TMEM42: variants seen among roughly 807,000 people sequenced by gnomAD.
TMEM42 encodes transmembrane protein 42.
TMEM42 carries 8 observed loss-of-function variants against 14.0 expected under a neutral mutation model. The observed-to-expected ratio is 0.57, with a 90% confidence interval of 0.34 to 1.03. The LOEUF is 1.03. TMEM42 is among the 50% of genes least tolerant of loss of function. The pLI, the probability that TMEM42 is intolerant of heterozygous loss-of-function variation, is 0.03. For missense variants in TMEM42, 211 were observed against 219.8 expected (o/e 0.96, Z 0.25); for synonymous variants, 115 against 94.3 (o/e 1.22, Z -1.27).
chr3:44,862,001 C>T lies in TMEM42; in HGVS notation c.77C>T (p.Pro26Leu). 3 of 1,387,048 alleles carry T rather than the reference C, an allele frequency of 2.2e-6. No homozygotes were observed. The South Asian group carries it at 5.0e-5, about 23-fold the overall frequency. 85.9% of individuals were successfully genotyped at this position (1,387,048 alleles called of 1,614,324 possible). A position where few individuals can be genotyped will look rare whatever the true frequency, so the allele number is the denominator to read the frequency against. The part of the protein sequence containing the change: ...AYPDTPAEFP[P>L]HLQAGAMRRR... ...CCTGACACCCCCGCGGAATTCCCTC[C>T]GCACCTCCAGGCGGGTGCGATGCGG... Residue 26 changes from proline to leucine, a missense_variant, in exon 1 of 3, where the codon CCG (proline) becomes CTG (leucine). Pro to Leu is a moderately conservative substitution (Grantham distance 98, BLOSUM62 -3). Coordinates refer to ENST00000302392, the MANE Select transcript of TMEM42 (RefSeq NM_144638.3).
At position 44,861,913 on chromosome 3, in the gene TMEM42, T is replaced by A; in HGVS notation, c.-12T>A. 6.8e-7 allele frequency: 1 copy of A among 1,477,028 alleles called. No individual in the cohort carries two copies. The highest frequency in any genetic ancestry group is 1.3e-5 in the South Asian group (1 of 78,426). The allele number at this position is 1,477,028 out of a possible 1,614,324, so 91.5% of individuals were successfully genotyped here. A position where few individuals can be genotyped will look rare whatever the true frequency, so the allele number is the denominator to read the frequency against. The stretch of plus-strand genomic sequence containing the variant: ...CGGGCAGCGGGTGCCAGGCACGGTG[T>A]CAGCAGGCAACATGGCCGAGAGGCC... On this transcript the variant is annotated 5_prime_UTR_variant, in exon 1 of 3. Coordinates refer to ENST00000302392, the MANE Select transcript of TMEM42 (RefSeq NM_144638.3).
chr3:44,863,119 C>T (rs1446068783), intron 1 of TMEM42: 1 of 151,782 alleles, frequency 6.6e-6, no homozygotes, highest in Non-Finnish European at 1.5e-5. Flanking sequence ...TTTAGCTCAT[C>T]ATATATCATT....
intron 1 of TMEM42, chr3:44,862,634 G>C (rs1699270984): frequency 6.6e-6 from 1 of 152,290 alleles, no homozygotes; most frequent in African/African-American, 2.4e-5. Flanking sequence ...GATACTGTAG[G>C]CATAAGAGGA....
Position 44,861,929 on chromosome 3 carries a change from C to G in TMEM42, c.5C>G (p.Ala2Gly). ...GGCACGGTGTCAGCAGGCAACATGGCCGAGAGGCCGGGGCCTCCGGGCGGC... is the reference window on the plus strand; with the variant it reads ...GGCACGGTGTCAGCAGGCAACATGGGCGAGAGGCCGGGGCCTCCGGGCGGC... Reference protein sequence around the residue: MAERPGPPGGAV... With the variant: MGERPGPPGGAV... Residue 2 changes from alanine (A) to glycine (G), a missense_variant, in exon 1 of 3, where the codon GCC becomes GGC. Transcript: ENST00000302392. 2.1e-6 allele frequency: 3 copies of G among 1,443,836 alleles called. No homozygotes were observed. The highest frequency in any genetic ancestry group is 2.7e-6 in the Non-Finnish European group (3 of 1,102,422). The allele number at this position is 1,443,836 out of a possible 1,614,324, so 89.4% of individuals were successfully genotyped here. A position where few individuals can be genotyped will look rare whatever the true frequency, so the allele number is the denominator to read the frequency against.
Position 44,865,226 on chromosome 3 carries a change from C to T in TMEM42, c.*46C>T. ...CAGCTGGAAAGATCATGATGGTGGC[C>T]CAGCCTTGGGATGTCATGTGGGACT... On this transcript the variant is annotated 3_prime_UTR_variant, in exon 3 of 3. Transcript: ENST00000302392. The T allele has an allele frequency of 1.2e-6, 2 of 1,612,302 alleles. No individual in the cohort carries two copies. Among genetic ancestry groups the T allele is most frequent in the Non-Finnish European group, 1.7e-6 (2 of 1,178,566 alleles).
chr3:44,862,145 T>G (rs1575701628), intron 1 of TMEM42, 29 bp downstream of exon 1: 1 of 139,620 alleles, frequency 7.2e-6, no homozygotes. Flanking sequence ...TTGGTGCTGC[T>G]GCTGCGGGCG....
chr3:44,862,026 G>C lies in TMEM42; in HGVS notation c.102G>C (p.Arg34=). The C allele has an allele frequency of 7.2e-7, 1 of 1,382,502 alleles. No homozygotes were observed. Among genetic ancestry groups the C allele is most frequent in the Non-Finnish European group, 9.4e-7 (1 of 1,065,246 alleles). The allele number at this position is 1,382,502 out of a possible 1,614,324, so 85.6% of individuals were successfully genotyped here. A position where few individuals can be genotyped will look rare whatever the true frequency, so the allele number is the denominator to read the frequency against. Residue 34 remains arginine (R), a synonymous_variant, in exon 1 of 3, where the codon CGG becomes CGC. Transcript: ENST00000302392. The stretch of plus-strand genomic sequence containing the variant: ...CGCACCTCCAGGCGGGTGCGATGCG[G>C]CGCCGCTTTTGGGGCGTATTCAACT... ...FPPHLQAGAM[R]RRFWGVFNCL...
intron 2 of TMEM42, among the ~76,000 whole-genome samples, chr3:44,864,830 G>C (rs193247609): frequency 2.6e-5 from 4 of 152,274 alleles, no homozygotes; most frequent in African/African-American, 9.6e-5. Context: ...ACTTTGCTGA[G>C]GTCCAGTGCA....
At chr3:44,864,392 G>A (rs750736067) in intron 2 of TMEM42, 49 bp downstream of exon 2, 11 of 1,611,128 alleles carry the variant, frequency 6.8e-6, no homozygotes, top group Non-Finnish European at 7.6e-6. Context: ...TGGGTTCTGG[G>A]TGAGTTGTCT....
chr3:44,863,246 A>G (rs746982846), intron 1 of TMEM42: 10 of 137,238 alleles, frequency 7.3e-5, no homozygotes, highest in East Asian at 2.4e-4. Flanking sequence ...TCAAGACACT[A>G]TGTGTTCAGC....
At position 44,861,914 on chromosome 3, in the gene TMEM42, C is replaced by A; in HGVS notation, c.-11C>A. ...GGGCAGCGGGTGCCAGGCACGGTGT[C>A]AGCAGGCAACATGGCCGAGAGGCCG... On this transcript the variant is annotated 5_prime_UTR_variant, in exon 1 of 3. Coordinates refer to ENST00000302392, the MANE Select transcript of TMEM42 (RefSeq NM_144638.3). The A allele has an allele frequency of 1.4e-6, 2 of 1,475,308 alleles. No individual in the cohort carries two copies. The highest frequency in any genetic ancestry group is 2.6e-5 in the South Asian group (2 of 77,958). The allele number at this position is 1,475,308 out of a possible 1,614,324, so 91.4% of individuals were successfully genotyped here.
rs190189474 is a variant in TMEM42, at chr3:44,864,518, A to G, written c.339+175A>G. On this transcript the variant is annotated intron_variant, in intron 2 of 2. Transcript: ENST00000302392. ...TCATGGAGCAAATGTAATTCTAATCATGGAAGAATTCTTAAGTTAGATATG... is the reference window on the plus strand; with the variant it reads ...TCATGGAGCAAATGTAATTCTAATCGTGGAAGAATTCTTAAGTTAGATATG... Among the ~76,000 whole-genome samples, 268 of 152,248 alleles carry G rather than the reference A, an allele frequency of 1.8e-3. 1 individual carries two copies. The highest frequency in any genetic ancestry group is 5.8e-3 in the African/African-American group (241 of 41,538).
In TMEM42 at chr3:44,862,132, C is replaced by T; in HGVS notation, c.192+16C>T. The T allele has an allele frequency of 2.3e-6, 1 of 425,826 alleles. No individual in the cohort carries two copies. The highest frequency in any genetic ancestry group is 3.1e-6 in the Non-Finnish European group (1 of 321,174). 26.4% of individuals were successfully genotyped at this position (425,826 alleles called of 1,614,324 possible). Reference sequence around the variant, plus strand: ...CGGCAGCGAGGTCGAGCCCGGGGCGCTGTTGGTGCTGCTGCTGCGGGCGGG... The same window carrying T: ...CGGCAGCGAGGTCGAGCCCGGGGCGTTGTTGGTGCTGCTGCTGCGGGCGGG... On this transcript the variant is annotated intron_variant, in intron 1 of 2. Coordinates refer to ENST00000302392, the MANE Select transcript of TMEM42 (RefSeq NM_144638.3).
Position 44,861,921 on chromosome 3 carries a change from C to T in TMEM42, c.-4C>T. The T allele has an allele frequency of 2.7e-6, 4 of 1,457,582 alleles. No individual in the cohort carries two copies. Among genetic ancestry groups the T allele is most frequent in the Non-Finnish European group, 3.6e-6 (4 of 1,108,968 alleles). 90.3% of individuals were successfully genotyped at this position (1,457,582 alleles called of 1,614,324 possible). A position where few individuals can be genotyped will look rare whatever the true frequency, so the allele number is the denominator to read the frequency against. ...GGGTGCCAGGCACGGTGTCAGCAGG[C>T]AACATGGCCGAGAGGCCGGGGCCTC... is the stretch of plus-strand genomic sequence containing the variant. On this transcript the variant is annotated 5_prime_UTR_variant, in exon 1 of 3. Transcript: ENST00000302392.
chr3:44,864,411 C>A (rs1699298543), intron 2 of TMEM42, 68 bp downstream of exon 2: 2 of 1,591,248 alleles, frequency 1.3e-6, no homozygotes, highest in Admixed American at 1.7e-5. Context: ...CTTTGGATAA[C>A]CCCTCCTTTC....
At chr3:44,865,010 G>C in intron 2 of TMEM42, 30 bp from the exon 3 acceptor site, 3 of 1,612,138 alleles carry the variant, frequency 1.9e-6, no homozygotes, top group Non-Finnish European at 2.5e-6. Flanking sequence ...TGCTGAAGTT[G>C]AGTCCCTCAC....
intron 1 of TMEM42, chr3:44,863,375 G>C (rs1173846106): frequency 7.5e-6 from 1 of 133,308 alleles, no homozygotes; most frequent in African/African-American, 2.7e-5. Context: ...CATATCCTTT[G>C]TGTAGGAGGC....
In TMEM42 at chr3:44,861,948, G is replaced by T; in HGVS notation, c.24G>T (p.Pro8=). The change falls in exon 1 of 3, where the codon CCG becomes CCT. Residue 8 remains proline, a synonymous_variant. Coordinates refer to ENST00000302392, the MANE Select transcript of TMEM42 (RefSeq NM_144638.3). ...ACATGGCCGAGAGGCCGGGGCCTCC[G>T]GGCGGCGCCGTGTCCGCGACCGCGT... The part of the protein sequence containing the change: MAERPGP[P]GGAVSATAYP... 7.1e-7 allele frequency: 1 copy of T among 1,408,296 alleles called. No individual in the cohort carries two copies. The allele number at this position is 1,408,296 out of a possible 1,614,324, so 87.2% of individuals were successfully genotyped here.
At position 44,865,083 on chromosome 3, in the gene TMEM42, T is replaced by C. The variant is rs150556524; in HGVS notation, c.383T>C (p.Leu128Ser). ...YVLYGECQEV[L>S]WWGGVFLILC... ...CTGTATGGAGAGTGCCAGGAGGTCT[T>C]GTGGTGGGGAGGAGTGTTCCTTATT... The change falls in exon 3 of 3, where the codon TTG becomes TCG. Residue 128 changes from leucine to serine, a missense_variant. Transcript: ENST00000302392. 108 of 1,614,146 alleles carry C rather than the reference T, an allele frequency of 6.7e-5. 1 individual carries two copies. The African/African-American group carries it at 1.2e-3, about 18-fold the overall frequency.
Sources: allele counts gnomAD v4.1 joint callset (sites outside exome capture counted in the v4.1 genomes callset), GRCh38; gene constraint gnomAD v4.1.1; transcripts MANE v1.5; gene names NCBI Gene and HGNC (gene_info 2026-07-23, HGNC 2026-07-21).